Variants in BIRC6 observed in about 807,000 individuals in gnomAD.
BIRC6 encodes baculoviral IAP repeat containing 6, also known as dual E2 ubiquitin-conjugating enzyme/E3 ubiquitin-protein ligase BIRC6.
Under a neutral mutation model 503.3 loss-of-function variants are expected in BIRC6, and 98 were observed. The observed-to-expected ratio is 0.19, with a 90% CI of 0.17 to 0.23. The LOEUF is 0.23. BIRC6 is among the 10% of genes least tolerant of loss of function. The pLI is 1.00. For missense variants in BIRC6, 5,360 were observed against 5,806.0 expected, an observed-to-expected ratio of 0.92 and a Z score of 2.50; for synonymous variants, 2,240 against 2,078.7, an observed-to-expected ratio of 1.08 and a Z score of -2.11.
At chr2:32,390,000 C>T (rs767100537) in intron 4 of BIRC6, among the ~76,000 whole-genome samples, 26 of 151,774 alleles carry the variant, frequency 1.7e-4, no homozygotes, top group Non-Finnish European at 3.4e-4. Flanking sequence ...GCTGGGATTA[C>T]AGACATGTGC....
At position 32,589,848 on chromosome 2, in the gene BIRC6, T is replaced by C. The variant is rs184189752; in HGVS notation, c.13356-4067T>C. Among the ~76,000 whole-genome samples the C allele has an allele frequency of 6.7e-4, 102 of 152,350 alleles. 3 individuals are homozygous for C. The East Asian group carries it at 0.018, about 27-fold the overall frequency. ...AATTTGGCCTAAAAATTAGTATATT[T>C]GTGTCTAGTATAGAAATCAAGGTTT... On this transcript the variant is annotated intron_variant, in intron 66 of 73. Transcript: ENST00000421745.
At chr2:32,391,193 T>A (rs1453914446) in intron 4 of BIRC6, among the ~76,000 whole-genome samples, 4 of 152,190 alleles carry the variant, frequency 2.6e-5, no homozygotes, top group Non-Finnish European at 4.4e-5. Context: ...TTTTAGGAAA[T>A]GCAGCCATTA....
At chr2:32,493,748 G>T in intron 45 of BIRC6, 81 bp downstream of exon 45, 1 of 1,198,898 alleles carries the variant, frequency 8.3e-7, no homozygotes, top group Admixed American at 2.2e-5. Flanking sequence ...AACATTTGTT[G>T]GGAATTTATC....
At chr2:32,514,879 CAAAT>C (rs1004123388) in intron 54 of BIRC6, 107 bp from the exon 55 acceptor site, 14 of 788,270 alleles carry the variant, frequency 1.8e-5, no homozygotes, top group Non-Finnish European at 2.2e-5. Flanking sequence ...TATTCAATGT[CAAAT>C]AAAGTATATA....
chr2:32,418,493 A>G (rs1388694760), intron 10 of BIRC6, among the ~76,000 whole-genome samples: 1 of 152,376 alleles, frequency 6.6e-6, no homozygotes, highest in African/African-American at 2.4e-5. Flanking sequence ...TTATACTGCC[A>G]TAATACAACA....
chr2:32,478,811 T>C lies in BIRC6; in HGVS notation c.7245T>C (p.Ile2415=). ...CCTTAACTTGCATGCTACAAGATAT[T>C]TTAGCAGGTGTGTTAGGATTTTTCT... ...QYSLTCMLQD[I]LAGELLAPVA... Residue 2415 remains isoleucine (I), a synonymous_variant, in exon 36 of 74, where the codon ATT becomes ATC. Transcript: ENST00000421745. 3 of 1,612,084 alleles carry C rather than the reference T, an allele frequency of 1.9e-6. No homozygotes were observed. In the African/African-American group the frequency reaches 4.0e-5, roughly 22 times the overall value.
intron 72 of BIRC6, among the ~76,000 whole-genome samples, chr2:32,609,314 G>GTGTGTGTGT (rs2062693050): frequency 1.0e-5 from 1 of 95,604 alleles, no homozygotes; most frequent in Non-Finnish European, 2.5e-5. Flanking sequence ...TGTGTGTGTA[G>GTGTGTGTGT]CTTTTTGCCT....
intron 45 of BIRC6, among the ~76,000 whole-genome samples, chr2:32,496,954 A>G (rs1294573775): frequency 6.6e-6 from 1 of 152,054 alleles, no homozygotes; most frequent in Non-Finnish European, 1.5e-5. Flanking sequence ...CTTTTTCTCA[A>G]TCTTAAGATC....
intron 1 of BIRC6, among the ~76,000 whole-genome samples, chr2:32,366,280 G>A (rs552132225): frequency 2.0e-3 from 305 of 152,304 alleles, no homozygotes; most frequent in Non-Finnish European, 3.5e-3. Flanking sequence ...TTTTTGGGGA[G>A]GAGAGGAAAC....
At chr2:32,465,261 T>A in intron 26 of BIRC6, 97 bp downstream of exon 26, 1 of 704,452 alleles carries the variant, frequency 1.4e-6, no homozygotes, top group Non-Finnish European at 2.3e-6. Flanking sequence ...TTTTTTTTTT[T>A]TTTTTTTTGC....
At chr2:32,362,762 GC>G (rs2034318194) in intron 1 of BIRC6, among the ~76,000 whole-genome samples, 2 of 152,030 alleles carry the variant, frequency 1.3e-5, no homozygotes, top group African/African-American at 2.4e-5. Flanking sequence ...GACACAGATA[GC>G]TTGGGTTAAG....
At chr2:32,583,766 TG>T (rs1413373712) in intron 66 of BIRC6, among the ~76,000 whole-genome samples, 9 of 152,216 alleles carry the variant, frequency 5.9e-5, no homozygotes, top group Admixed American at 5.2e-4. Flanking sequence ...TCTCTCACTC[TG>T]TCGCCCAGGC....
At chr2:32,412,305 G>A (rs969330763) in intron 9 of BIRC6, among the ~76,000 whole-genome samples, 10 of 151,868 alleles carry the variant, frequency 6.6e-5, no homozygotes, top group Admixed American at 6.6e-5. Context: ...GACACTAGCC[G>A]GACCAACATG....
intron 57 of BIRC6, chr2:32,524,657 A>C: frequency 5.1e-6 from 1 of 197,964 alleles, no homozygotes; most frequent in Non-Finnish European, 1.0e-5. Context: ...AATACTTTAC[A>C]GAGATTAGAA....
intron 26 of BIRC6, among the ~76,000 whole-genome samples, chr2:32,465,479 T>G (rs943229274): frequency 6.6e-6 from 1 of 152,088 alleles, no homozygotes; most frequent in Non-Finnish European, 1.5e-5. Context: ...ACTCAAAATA[T>G]TCCTAAAACT....
At chr2:32,443,143 C>G (rs2045601809) in intron 19 of BIRC6, among the ~76,000 whole-genome samples, 1 of 152,172 alleles carries the variant, frequency 6.6e-6, no homozygotes. Context: ...TGTGTTTAGA[C>G]TGCACTTGAC....
Position 32,543,258 on chromosome 2 carries a change from A to T in BIRC6, c.12309A>T (p.Val4103=). 6.2e-7 allele frequency: 1 copy of T among 1,613,774 alleles called. No homozygotes were observed. Among genetic ancestry groups the T allele is most frequent in the Non-Finnish European group, 8.5e-7 (1 of 1,179,692 alleles). The change falls in exon 62 of 74, where the codon GTA becomes GTT. Residue 4103 remains valine (V), a synonymous_variant. Coordinates refer to ENST00000421745, the MANE Select transcript of BIRC6 (RefSeq NM_016252.4). The part of the protein sequence containing the change: ...EVIQQVSAPV[V]TSTTQEKPKD... ...TTCTTTAGGTGAGTGCTCCAGTTGT[A>T]ACATCTACCACTCAGGAAAAGCCGA...
chr2:32,429,342 AT>A, intron 11 of BIRC6, 47 bp downstream of exon 11: 1 of 1,331,094 alleles, frequency 7.5e-7, no homozygotes, highest in East Asian at 2.6e-5. Context: ...AATAGGTAGT[AT>A]TTATCATTTT....
chr2:32,442,173 T>G lies in BIRC6; in HGVS notation c.4053T>G (p.Leu1351=), dbSNP rs751131825. The part of the protein sequence containing the change: ...DGQITEHAQS[L]VLDTLCWLAG... ...AGATCACAGAACATGCCCAGAGCCT[T>G]GTGTTGGATACTCTCTGTTGGTTAG... The change falls in exon 18 of 74, where the codon CTT becomes CTG. Residue 1351 remains leucine (L), a synonymous_variant. Transcript: ENST00000421745. The G allele has an allele frequency of 6.2e-7, 1 of 1,611,228 alleles. No individual in the cohort carries two copies. Among genetic ancestry groups the G allele is most frequent in the South Asian group, 1.1e-5 (1 of 90,362 alleles).
Sources: gnomAD v4.1 joint callset for allele counts (sites outside exome capture counted in the v4.1 genomes callset) on GRCh38, gnomAD v4.1.1 for gene constraint, MANE v1.5 for transcripts, NCBI Gene and HGNC (gene_info 2026-07-23, HGNC 2026-07-21) for gene names.